Variants in CHM observed in about 807,000 individuals in gnomAD.
The protein encoded by CHM is rab proteins geranylgeranyltransferase component A 1.
In CHM, 10 loss-of-function variants were observed where a neutral mutation model predicts 49.0. The ratio of observed to expected loss-of-function variants is 0.20; its 90% CI spans 0.13 to 0.35. The LOEUF is 0.35. Ranked by LOEUF, CHM falls within the 10% of genes least tolerant of loss-of-function variation. CHM has a pLI of 1.00. For missense variants in CHM, 455 were observed against 478.4 expected, an observed-to-expected ratio of 0.95 and a Z score of 0.46; for synonymous variants, 184 against 167.5, an observed-to-expected ratio of 1.10 and a Z score of -0.76.
intron 1 of CHM, among the ~76,000 whole-genome samples, chrX:86,034,977 T>C (rs973695624): frequency 9.0e-6 from 1 of 111,123 alleles, no homozygotes; most frequent in Admixed American, 9.6e-5. Context: ...AATGAGGGGA[T>C]AGTCCCACAC....
chrX:85,909,782 A>G (rs1046539776), intron 9 of CHM, among the ~76,000 whole-genome samples: 33 of 112,361 alleles, frequency 2.9e-4, no homozygotes, highest in Non-Finnish European at 5.5e-4. Flanking sequence ...TATTCATGTC[A>G]CATGGGACTG....
intron 2 of CHM, among the ~76,000 whole-genome samples, chrX:86,008,232 G>A (rs1932909863): frequency 9.0e-6 from 1 of 111,330 alleles, no homozygotes; most frequent in African/African-American, 3.3e-5. Context: ...ACAGGGCGAG[G>A]AATATCACAC....
At chrX:85,947,162 T>A (rs1404013306) in intron 8 of CHM, among the ~76,000 whole-genome samples, 1 of 112,243 alleles carries the variant, frequency 8.9e-6, no homozygotes, top group Non-Finnish European at 1.9e-5. Context: ...GTGGGGATTA[T>A]TGAAAAGGGA....
At chrX:85,878,572 A>T in intron 13 of CHM, among the ~76,000 whole-genome samples, 1 of 111,804 alleles carries the variant, frequency 8.9e-6, no homozygotes, top group Non-Finnish European at 1.9e-5. Context: ...CCTTAAAGGA[A>T]GATACATTTC....
At chrX:85,919,901 T>C (rs968477792) in intron 8 of CHM, among the ~76,000 whole-genome samples, 1 of 109,406 alleles carries the variant, frequency 9.1e-6, no homozygotes, top group African/African-American at 3.3e-5. Context: ...TCATGTATCT[T>C]ATGCCCAAGT....
At chrX:85,942,218 A>G (rs766712828) in intron 8 of CHM, among the ~76,000 whole-genome samples, 1 of 109,387 alleles carries the variant, frequency 9.1e-6, no homozygotes, top group East Asian at 2.9e-4. Context: ...GTGCCTATAT[A>G]TCATAGTACT....
chrX:86,001,215 T>C (rs1486232716), intron 2 of CHM, among the ~76,000 whole-genome samples: 7 of 111,924 alleles, frequency 6.3e-5, no homozygotes, highest in African/African-American at 9.7e-5. Context: ...ACAATGCCCC[T>C]TTTTTAAATA....
At chrX:85,971,791 A>C (rs1478371294) in intron 4 of CHM, among the ~76,000 whole-genome samples, 1 of 111,154 alleles carries the variant, frequency 9.0e-6, no homozygotes, top group Non-Finnish European at 1.9e-5. Context: ...ACAATCCCTG[A>C]GCTAGATATA....
At chrX:85,895,136 G>GTTTTT (rs527920499) in intron 11 of CHM, among the ~76,000 whole-genome samples, 2 of 82,105 alleles carry the variant, frequency 2.4e-5, no homozygotes, top group Non-Finnish European at 4.9e-5. Context: ...GTTTTTTTTT[G>GTTTTT]TTTTTTTTTT....
chrX:85,876,208 A>AT (rs754397697), intron 13 of CHM, among the ~76,000 whole-genome samples: 90 of 111,249 alleles, frequency 8.1e-4, no homozygotes, highest in African/African-American at 2.6e-3. Flanking sequence ...TATTATATAG[A>AT]TTTTTTTTAA....
chrX:85,906,835 C>A (rs756017188), intron 9 of CHM, among the ~76,000 whole-genome samples: 21 of 112,243 alleles, frequency 1.9e-4, no homozygotes, highest in African/African-American at 6.8e-4. Flanking sequence ...TTCCAAGTAT[C>A]TAGAAAAGGC....
Position 85,981,820 on chromosome X carries a change from T to TAAAAA in CHM, c.117-16_117-12dup. ...CCATAGTAGCTTCTTCTGTAACAATTAAAAAAAAAAAAAAAAGTAAAGAAA... is the reference window on the plus strand; with the variant it reads ...CCATAGTAGCTTCTTCTGTAACAATTAAAAAAAAAAAAAAAAAAAAAGTAAAGAAA... On this transcript the variant is annotated splice_polypyrimidine_tract_variant and intron_variant, in intron 2 of 14. Coordinates refer to ENST00000357749, the MANE Select transcript of CHM (RefSeq NM_000390.4). The TAAAAA allele has an allele frequency of 6.3e-6, 6 of 949,789 alleles. No homozygotes were observed. Among genetic ancestry groups the TAAAAA allele is most frequent in the Non-Finnish European group, 7.0e-6 (5 of 709,282 alleles). The allele number at this position is 949,789 out of a possible 1,213,427, so 78.3% of individuals were successfully genotyped here.
chrX:85,989,373 C>A (rs1158094050), intron 2 of CHM, among the ~76,000 whole-genome samples: 2 of 111,586 alleles, frequency 1.8e-5, no homozygotes, highest in Non-Finnish European at 3.8e-5. Flanking sequence ...GACTTAAATG[C>A]AAAACCCAAA....
Position 85,932,457 on chromosome X carries a change from C to T in CHM, c.1167-21119G>A, listed in dbSNP as rs189612464. On this transcript the variant is annotated intron_variant, in intron 8 of 14. Transcript: ENST00000357749. ...TCAGAAATAAAGCAATATTTCTTTT[C>T]TCATATAAATTGTGATATTATTAAA... Among the ~76,000 whole-genome samples, 847 of 112,106 alleles carry T rather than the reference C, an allele frequency of 7.6e-3. 27 individuals carry two copies. The East Asian group carries it at 0.096, about 13-fold the overall frequency.
Position 85,864,241 on chromosome X carries a change from AGAAAATACATGAGCTGGTTCT to A in CHM, c.*368_*388del. ...AAGAAAATAAAATTCAAATAACCAA[AGAAAATACATGAGCTGGTTCT>A]GAAAATGTGGCTTTCAAACAAAGAT... On this transcript the variant is annotated 3_prime_UTR_variant, in exon 15 of 15. Transcript: ENST00000357749. 1 of 162,211 alleles carries A rather than the reference AGAAAATACATGAGCTGGTTCT, an allele frequency of 6.2e-6. No homozygotes were observed. Among genetic ancestry groups the A allele is most frequent in the East Asian group, 1.6e-4 (1 of 6,417 alleles). The allele number at this position is 162,211 out of a possible 1,213,427, so 13.4% of individuals were successfully genotyped here.
intron 4 of CHM, chrX:85,970,865 T>C (rs1930856608): frequency 1.0e-5 from 6 of 596,528 alleles, no homozygotes; most frequent in Non-Finnish European, 1.2e-5. Context: ...TAAAACAATC[T>C]GGATAGTTCT....
At chrX:85,991,931 G>A (rs1056568471) in intron 2 of CHM, among the ~76,000 whole-genome samples, 3 of 110,871 alleles carry the variant, frequency 2.7e-5, no homozygotes, top group African/African-American at 6.5e-5. Context: ...AATTATCCCC[G>A]TTTTACAATT....
At chrX:86,036,384 T>C (rs1208176271) in intron 1 of CHM, among the ~76,000 whole-genome samples, 2 of 111,539 alleles carry the variant, frequency 1.8e-5, no homozygotes, top group East Asian at 5.7e-4. Context: ...TCTCAAGACC[T>C]GAGATTAATG....
chrX:86,045,039 A>T (rs776616230), intron 1 of CHM, among the ~76,000 whole-genome samples: 39 of 112,292 alleles, frequency 3.5e-4, no homozygotes, highest in Non-Finnish European at 7.3e-4. Flanking sequence ...GGTGAAAGGG[A>T]TTATAAAATA....
Sources: allele counts gnomAD v4.1 joint callset (sites outside exome capture counted in the v4.1 genomes callset), GRCh38; gene constraint gnomAD v4.1.1; transcripts MANE v1.5; gene names NCBI Gene and HGNC (gene_info 2026-07-23, HGNC 2026-07-21).